The following RMDN3 variants were observed in gnomAD, a reference collection of about 807,000 sequenced individuals.
RMDN3 encodes the protein regulator of microtubule dynamics 3.
RMDN3 carries 41 observed loss-of-function variants against 61.8 expected under a neutral mutation model. The ratio of observed to expected loss-of-function variants is 0.66; its 90% CI spans 0.52 to 0.86. RMDN3 has a LOEUF of 0.86. Ranked by LOEUF, RMDN3 falls within the 40% of genes least tolerant of loss-of-function variation. The pLI is 0.00. For missense variants in RMDN3, 557 were observed against 585.3 expected, an observed-to-expected ratio of 0.95 and a Z score of 0.50; for synonymous variants, 247 against 232.0, an observed-to-expected ratio of 1.06 and a Z score of -0.59.
Position 40,738,002 on chromosome 15 carries a change from G to C in RMDN3, c.1088C>G (p.Pro363Arg). The change falls in exon 9 of 13, where the codon CCC becomes CGC. Residue 363 changes from proline (P) to arginine (R), a missense_variant. By Grantham distance (103) the Pro-to-Arg change is moderately radical. Coordinates refer to ENST00000338376, the MANE Select transcript of RMDN3 (RefSeq NM_018145.3). Reference protein sequence around the residue: ...DKAIALQPENPMAHFLLGRWC... With the variant: ...DKAIALQPENRMAHFLLGRWC... ...CCTGCCAAGAAGAAAGTGAGCCATGGGGTTTTCTGGCTGGAGAGCAATGGC... is the reference window on the plus strand; with the variant it reads ...CCTGCCAAGAAGAAAGTGAGCCATGCGGTTTTCTGGCTGGAGAGCAATGGC... The C allele has an allele frequency of 6.2e-7, 1 of 1,614,210 alleles. No homozygotes were observed. The highest frequency in any genetic ancestry group is 8.5e-7 in the Non-Finnish European group (1 of 1,180,044).
intron 9 of RMDN3, 40 bp downstream of exon 9, chr15:40,737,925 C>G (rs1465469633): frequency 6.2e-7 from 1 of 1,602,642 alleles, no homozygotes; most frequent in East Asian, 2.2e-5. Flanking sequence ...TGTCAGAAGG[C>G]ATTTAGGACC....
chr15:40,738,590 A>T lies in RMDN3; in HGVS notation c.972-14T>A, dbSNP rs374901846. ...AGCACCGCATACCTAGGGGGGAAGCAGCAAGCTCAGGGACAAGGGCTGAGT... is the reference window on the plus strand; with the variant it reads ...AGCACCGCATACCTAGGGGGGAAGCTGCAAGCTCAGGGACAAGGGCTGAGT... On this transcript the variant is annotated splice_polypyrimidine_tract_variant and intron_variant, in intron 7 of 12. Coordinates refer to ENST00000338376, the MANE Select transcript of RMDN3 (RefSeq NM_018145.3). 10 of 1,613,934 alleles carry T rather than the reference A, an allele frequency of 6.2e-6. No homozygotes were observed. The highest frequency in any genetic ancestry group is 8.5e-6 in the Non-Finnish European group (10 of 1,179,944).
rs546302617 is a variant in RMDN3 at position 40,738,120 on chromosome 15, C to CT, written c.1048-79dup. 2.1e-4 allele frequency: 309 copies of CT among 1,440,534 alleles called. 1 individual carries two copies. The African/African-American group carries it at 2.4e-3, about 11-fold the overall frequency. The allele number at this position is 1,440,534 out of a possible 1,614,324, so 89.2% of individuals were successfully genotyped here. ...GAGAGGCAAGGGCCGGATGCAGTGG[C>CT]TCATGCCTGTAATCCCTGCACTTTG... On this transcript the variant is annotated intron_variant, in intron 8 of 12. Transcript: ENST00000338376.
Position 40,737,134 on chromosome 15 carries a change from A to G in RMDN3, c.1349T>C (p.Val450Ala), listed in dbSNP as rs1897084771. ...WMKLALELPD[V>A]TKEDLAIQKD... ...ATTAAAAAGCCTTACCTCCTTCGTG[A>G]CATCTGGCAGCTCCAGGGCCAACTT... The change falls in exon 12 of 13, where the codon GTC becomes GCC. Residue 450 changes from valine (V) to alanine (A), a missense_variant. Transcript: ENST00000338376. 1 of 1,614,004 alleles carries G rather than the reference A, an allele frequency of 6.2e-7. No homozygotes were observed. Among genetic ancestry groups the G allele is most frequent in the Non-Finnish European group, 8.5e-7 (1 of 1,179,966 alleles).
chr15:40,745,808 T>A (rs1897516226), intron 4 of RMDN3, among the ~76,000 whole-genome samples: 1 of 152,178 alleles, frequency 6.6e-6, no homozygotes, highest in South Asian at 2.1e-4. Context: ...GCCTTATCAG[T>A]CAGAGACACT....
In RMDN3 at chr15:40,738,542, C is replaced by T. The variant is rs1162582006; in HGVS notation, c.1006G>A (p.Glu336Lys). ...AVLCGQLAEH[E>K]SIQRRIQSGF... ...CTCTGGATGCGCCTCTGGATGCTCTCATGCTCAGCCAGCTGACCACAAAGC... is the reference window on the plus strand; with the variant it reads ...CTCTGGATGCGCCTCTGGATGCTCTTATGCTCAGCCAGCTGACCACAAAGC... Residue 336 changes from glutamate (E) to lysine (K), a missense_variant, in exon 8 of 13, where the codon GAG becomes AAG. Coordinates refer to ENST00000338376, the MANE Select transcript of RMDN3 (RefSeq NM_018145.3). 1 of 1,614,036 alleles carries T rather than the reference C, an allele frequency of 6.2e-7. No individual in the cohort carries two copies. Among genetic ancestry groups the T allele is most frequent in the Non-Finnish European group, 8.5e-7 (1 of 1,180,046 alleles).
At chr15:40,754,118 C>T (rs991518492) in intron 2 of RMDN3, among the ~76,000 whole-genome samples, 1 of 137,736 alleles carries the variant, frequency 7.3e-6, no homozygotes, top group African/African-American at 2.7e-5. Flanking sequence ...GTAGAGAAAA[C>T]CACGACTGCT....
chr15:40,744,988 T>A lies in RMDN3; in HGVS notation c.796A>T (p.Asn266Tyr), dbSNP rs1247675788. The A allele has an allele frequency of 6.2e-7, 1 of 1,602,936 alleles. No homozygotes were observed. Among genetic ancestry groups the A allele is most frequent in the Non-Finnish European group, 8.5e-7 (1 of 1,172,704 alleles). Residue 266 changes from asparagine (N) to tyrosine (Y), a missense_variant, in exon 5 of 13, where the codon AAC becomes TAC. Physicochemically the swap from Asn to Tyr is moderately radical, Grantham distance 143. Transcript: ENST00000338376. Reference sequence around the variant, plus strand: ...AGCTGGAGCCTCACCACCAGCTTGTTGTTGAGCAGCAGCTGGAAGCCCTCC... The same window carrying A: ...AGCTGGAGCCTCACCACCAGCTTGTAGTTGAGCAGCAGCTGGAAGCCCTCC... ...KREGFQLLLN[N>Y]KLVYGSRQDF...
At position 40,752,004 on chromosome 15, in the gene RMDN3, TCCCCCGCAAG is replaced by T. The variant is rs1897845716; in HGVS notation, c.352_361del (p.Leu118ArgfsTer80). 1 of 1,613,562 alleles carries T rather than the reference TCCCCCGCAAG, an allele frequency of 6.2e-7. No homozygotes were observed. The highest frequency in any genetic ancestry group is 2.2e-5 in the East Asian group (1 of 44,868). ...TACTCACCGGACCTCCCCAACAATCTCCCCCGCAAGCCCTCGCAGGCTGCTTCTCAGCTCC... is the reference window on the plus strand; with the variant it reads ...TACTCACCGGACCTCCCCAACAATCTCCCTCGCAGGCTGCTTCTCAGCTCC... On this transcript the variant is annotated frameshift_variant, in exon 3 of 13. Transcript: ENST00000338376. LOFTEE classifies it high-confidence loss of function.
Position 40,736,557 on chromosome 15 carries a change from A to ACTT in RMDN3, c.1394_1396dup (p.Glu465dup). 6.2e-7 allele frequency: 1 copy of ACTT among 1,614,014 alleles called. No individual in the cohort carries two copies. Among genetic ancestry groups the ACTT allele is most frequent in the Non-Finnish European group, 8.5e-7 (1 of 1,179,948 alleles). Reference sequence around the variant, plus strand: ...GAAACGTGGTTAGTCTCGTAAAATGACTTCCAGTTCTTCCAGGTCCTTCTG... The same window carrying ACTT: ...GAAACGTGGTTAGTCTCGTAAAATGACTTCTTCCAGTTCTTCCAGGTCCTTCTG... On this transcript the variant is annotated inframe_insertion, in exon 13 of 13. Transcript: ENST00000338376.
rs3816147 is a variant in RMDN3 at position 40,739,875 on chromosome 15, A to G, written c.971+258T>C. ...TTTTGTAGCTAGGATGACTCTTAACAAAGCTACTCATTTCTCCAAGCCCCA... is the reference window on the plus strand; with the variant it reads ...TTTTGTAGCTAGGATGACTCTTAACGAAGCTACTCATTTCTCCAAGCCCCA... On this transcript the variant is annotated intron_variant, in intron 7 of 12. Coordinates refer to ENST00000338376, the MANE Select transcript of RMDN3 (RefSeq NM_018145.3). Among the ~76,000 whole-genome samples, 11 of 152,278 alleles carry G rather than the reference A, an allele frequency of 7.2e-5. No homozygotes were observed. The East Asian group carries it at 1.9e-3, about 27-fold the overall frequency.
At position 40,745,045 on chromosome 15, in the gene RMDN3, C is replaced by A; in HGVS notation, c.739G>T (p.Glu247Ter). ...CCTTGCTCATCACCCCTGTGCAGCTCGTCGGCCTGCTGCAGGAGGGGCAGC... is the reference window on the plus strand; with the variant it reads ...CCTTGCTCATCACCCCTGTGCAGCTAGTCGGCCTGCTGCAGGAGGGGCAGC... ...DVLPLLQQAD[E>*]LHRGDEQGKR... Residue 247 changes from glutamate (E) to a stop codon, truncating the protein, a stop_gained, in exon 5 of 13, where the codon GAG (glutamate) becomes TAG (stop). Transcript: ENST00000338376. LOFTEE classifies it high-confidence loss of function. The A allele has an allele frequency of 1.2e-6, 2 of 1,614,082 alleles. No individual in the cohort carries two copies. Among genetic ancestry groups the A allele is most frequent in the African/African-American group, 1.3e-5 (1 of 75,014 alleles).
In RMDN3 at chr15:40,737,251, T is replaced by G. The variant is rs779195775; in HGVS notation, c.1278+37A>C. 4.3e-6 allele frequency: 7 copies of G among 1,612,400 alleles called. No homozygotes were observed. In the South Asian group the frequency reaches 6.6e-5, roughly 15 times the overall value. On this transcript the variant is annotated intron_variant, in intron 11 of 12. Transcript: ENST00000338376. ...ACCTGATACTGTGTACTTTCAGGAG[T>G]TCCCAGATCTATGTTGAAGTAGACA... is the stretch of plus-strand genomic sequence containing the variant.
chr15:40,754,728 C>G lies in RMDN3; in HGVS notation c.56G>C (p.Gly19Ala). ...GARAGLGLLL[G>A]TAAGLGFLCL... ...CAGGAATCCAAGGCCGGCGGCGGTACCCAGCAACAGTCCCAGCCCGGCACG... is the reference window on the plus strand; with the variant it reads ...CAGGAATCCAAGGCCGGCGGCGGTAGCCAGCAACAGTCCCAGCCCGGCACG... The change falls in exon 2 of 13, where the codon GGT (glycine) becomes GCT (alanine). Residue 19 changes from glycine (G) to alanine (A), a missense_variant. Transcript: ENST00000338376. The G allele has an allele frequency of 6.2e-7, 1 of 1,613,534 alleles. No individual in the cohort carries two copies. Among genetic ancestry groups the G allele is most frequent in the Non-Finnish European group, 8.5e-7 (1 of 1,179,854 alleles).
chr15:40,744,832 A>G, intron 5 of RMDN3, 145 bp downstream of exon 5: 1 of 877,776 alleles, frequency 1.1e-6, no homozygotes, highest in East Asian at 2.7e-5. Flanking sequence ...TGGGGGACAG[A>G]TGCAAAACCA....
intron 3 of RMDN3, 71 bp from the exon 4 acceptor site, chr15:40,751,640 G>A (rs565250872): frequency 1.9e-6 from 3 of 1,600,512 alleles, no homozygotes; most frequent in East Asian, 4.5e-5. Flanking sequence ...TCACCATGGG[G>A]TGCCTCTTAC....
chr15:40,737,083 T>C lies in RMDN3; in HGVS notation c.1359+41A>G, dbSNP rs201630130. On this transcript the variant is annotated intron_variant, in intron 12 of 12. Transcript: ENST00000338376. ...GGTCAGGCTGTCTCGAACTCCCGAC[T>C]TCAGGTGATCTGCCCAACAGGCAGT... The C allele has an allele frequency of 2.5e-4, 378 of 1,533,800 alleles. No individual in the cohort carries two copies. In the African/African-American group the frequency reaches 4.2e-3, roughly 17 times the overall value.
At chr15:40,738,425 T>G in intron 8 of RMDN3, 76 bp downstream of exon 8, 1 of 1,475,500 alleles carries the variant, frequency 6.8e-7, no homozygotes, top group Non-Finnish European at 9.4e-7. Context: ...GTAGAAAAGT[T>G]TTTGGCAGGG....
intron 4 of RMDN3, among the ~76,000 whole-genome samples, chr15:40,750,251 A>C (rs1409019134): frequency 1.6e-5 from 2 of 121,522 alleles, no homozygotes; most frequent in Admixed American, 1.1e-4. Context: ...ATGGAGTCTC[A>C]CTCTGTCTCA....
Sources: gnomAD v4.1 joint callset for allele counts (sites outside exome capture counted in the v4.1 genomes callset) on GRCh38, gnomAD v4.1.1 for gene constraint, MANE v1.5 for transcripts, NCBI Gene and HGNC (gene_info 2026-07-23, HGNC 2026-07-21) for gene names.